Variants in CACNA2D3 observed in about 807,000 individuals in gnomAD.
CACNA2D3 encodes the protein calcium voltage-gated channel auxiliary subunit alpha2delta 3, also known as voltage-dependent calcium channel subunit alpha-2/delta-3.
In CACNA2D3, 60 loss-of-function variants were observed where a neutral mutation model predicts 160.6. The ratio of observed to expected loss-of-function variants is 0.37; its 90% CI spans 0.30 to 0.46. CACNA2D3 has a LOEUF of 0.46. CACNA2D3 is among the 20% of genes least tolerant of loss of function. CACNA2D3 has a pLI of 1.00. For synonymous variants in CACNA2D3, 558 were observed against 492.9 expected (o/e 1.13, Z -1.75); for missense variants, 1,205 against 1,365.0 (o/e 0.88, Z 1.85).
At chr3:54,932,074 C>A (rs1701203585) in intron 27 of CACNA2D3, among the ~76,000 whole-genome samples, 1 of 151,932 alleles carries the variant, frequency 6.6e-6, no homozygotes, top group African/African-American at 2.4e-5. Flanking sequence ...CTGAGCTACT[C>A]GGGAGGCTGA....
At chr3:54,490,807 G>A (rs1003772799) in intron 4 of CACNA2D3, among the ~76,000 whole-genome samples, 8 of 152,148 alleles carry the variant, frequency 5.3e-5, no homozygotes, top group Non-Finnish European at 1.5e-5. Context: ...AGAGGAAGCG[G>A]GGTTGCTGGG....
At chr3:55,039,036 A>C (rs2107188245) in intron 35 of CACNA2D3, among the ~76,000 whole-genome samples, 1 of 151,970 alleles carries the variant, frequency 6.6e-6, no homozygotes, top group East Asian at 1.9e-4. Context: ...GGGATTGTGA[A>C]GCAGAGATGC....
At chr3:54,332,820 CTA>C (rs1704294533) in intron 3 of CACNA2D3, among the ~76,000 whole-genome samples, 1 of 152,124 alleles carries the variant, frequency 6.6e-6, no homozygotes, top group Non-Finnish European at 1.5e-5. Context: ...GCTTTGTGGG[CTA>C]TAAGTTATAT....
intron 17 of CACNA2D3, among the ~76,000 whole-genome samples, chr3:54,858,384 C>T (rs1699216045): frequency 1.3e-5 from 2 of 152,132 alleles, no homozygotes; most frequent in South Asian, 4.1e-4. Flanking sequence ...AAAGGACCAT[C>T]TCACCGGGGG....
At chr3:54,509,003 T>TGG (rs1373026889) in intron 5 of CACNA2D3, among the ~76,000 whole-genome samples, 1 of 152,214 alleles carries the variant, frequency 6.6e-6, no homozygotes, top group Non-Finnish European at 1.5e-5. Flanking sequence ...GCTGGAGGGA[T>TGG]GGGCAGGGTT....
At chr3:54,137,714 C>G (rs1699842968) in intron 2 of CACNA2D3, among the ~76,000 whole-genome samples, 1 of 152,002 alleles carries the variant, frequency 6.6e-6, no homozygotes, top group Admixed American at 6.6e-5. Context: ...GTACTTTATT[C>G]TATTATAGTC....
At chr3:54,154,437 G>A (rs1320285056) in intron 2 of CACNA2D3, among the ~76,000 whole-genome samples, 1 of 152,092 alleles carries the variant, frequency 6.6e-6, no homozygotes, top group African/African-American at 2.4e-5. Flanking sequence ...CAGAGGTCTC[G>A]GGCTTAGGAA....
intron 35 of CACNA2D3, among the ~76,000 whole-genome samples, chr3:55,019,674 A>G (rs1575438241): frequency 1.3e-5 from 2 of 152,102 alleles, no homozygotes; most frequent in Non-Finnish European, 2.9e-5. Flanking sequence ...ATGCTCTTGG[A>G]CTTTTTGCAT....
At chr3:54,792,340 A>G (rs1022499181) in intron 13 of CACNA2D3, among the ~76,000 whole-genome samples, 1 of 152,244 alleles carries the variant, frequency 6.6e-6, no homozygotes, top group Admixed American at 6.5e-5. Flanking sequence ...TCCATAGAGC[A>G]GAGTTCATGA....
At chr3:54,186,998 A>G (rs1255908252) in intron 2 of CACNA2D3, among the ~76,000 whole-genome samples, 6 of 152,196 alleles carry the variant, frequency 3.9e-5, no homozygotes, top group Admixed American at 3.9e-4. Context: ...TTCATCTACA[A>G]GAGACACTGT....
At chr3:54,964,291 A>G (rs1277317459) in intron 27 of CACNA2D3, among the ~76,000 whole-genome samples, 1 of 152,180 alleles carries the variant, frequency 6.6e-6, no homozygotes, top group Middle Eastern at 3.2e-3. Context: ...GATTCCCAGC[A>G]GGGAGGGAGC....
At chr3:54,446,940 T>G (rs1700231589) in intron 4 of CACNA2D3, among the ~76,000 whole-genome samples, 1 of 152,192 alleles carries the variant, frequency 6.6e-6, no homozygotes, top group Non-Finnish European at 1.5e-5. Flanking sequence ...TTCCAAATTG[T>G]GCATCCTTCA....
At chr3:55,040,957 G>A (rs1174761605) in intron 35 of CACNA2D3, among the ~76,000 whole-genome samples, 3 of 152,044 alleles carry the variant, frequency 2.0e-5, no homozygotes, top group African/African-American at 7.2e-5. Context: ...TTATTTAGCT[G>A]TTGTTAAAAT....
intron 2 of CACNA2D3, among the ~76,000 whole-genome samples, chr3:54,203,175 C>G (rs2107351510): frequency 6.6e-6 from 1 of 152,278 alleles, no homozygotes; most frequent in Admixed American, 6.5e-5. Context: ...GATGGCTCTC[C>G]CCAATGTGGG....
chr3:54,616,128 C>G (rs1361581204), intron 9 of CACNA2D3, among the ~76,000 whole-genome samples: 2 of 152,194 alleles, frequency 1.3e-5, no homozygotes, highest in African/African-American at 4.8e-5. Context: ...CTTAAAACAA[C>G]AAACATTTAT....
intron 4 of CACNA2D3, among the ~76,000 whole-genome samples, chr3:54,416,498 A>G (rs1292260171): frequency 6.6e-6 from 1 of 152,204 alleles, no homozygotes; most frequent in Non-Finnish European, 1.5e-5. Flanking sequence ...TAAAAGCCAC[A>G]GGTGATTGGT....
intron 13 of CACNA2D3, among the ~76,000 whole-genome samples, chr3:54,766,337 C>CA (rs1266699310): frequency 1.3e-5 from 2 of 151,930 alleles, no homozygotes; most frequent in Non-Finnish European, 2.9e-5. Flanking sequence ...TGACAATTCA[C>CA]AAAAAAGAAT....
chr3:54,359,444 G>A (rs1354604244), intron 3 of CACNA2D3, among the ~76,000 whole-genome samples: 3 of 152,164 alleles, frequency 2.0e-5, no homozygotes, highest in Non-Finnish European at 4.4e-5. Context: ...GTGATGCCCA[G>A]CTCAAGTGAG....
At chr3:54,660,741 A>G (rs1294233924) in intron 11 of CACNA2D3, among the ~76,000 whole-genome samples, 1 of 152,170 alleles carries the variant, frequency 6.6e-6, no homozygotes, top group Non-Finnish European at 1.5e-5. Context: ...GCAGCCCAGC[A>G]CGCCAGGCCC....
Sources: gnomAD v4.1 joint callset for allele counts (sites outside exome capture counted in the v4.1 genomes callset) on GRCh38, gnomAD v4.1.1 for gene constraint, MANE v1.5 for transcripts, NCBI Gene and HGNC (gene_info 2026-07-23, HGNC 2026-07-21) for gene names.